The following KNTC1 variants were observed in gnomAD, a reference collection of about 807,000 sequenced individuals.
KNTC1 encodes the protein kinetochore associated 1.
In KNTC1, 253 loss-of-function variants were observed where a neutral mutation model predicts 314.4. That is an observed-to-expected ratio of 0.80 (90% confidence interval 0.73 to 0.89). The LOEUF is 0.89. Ranked by LOEUF, KNTC1 falls within the 40% of genes least tolerant of loss-of-function variation. The pLI, the probability that KNTC1 is intolerant of heterozygous loss-of-function variation, is 0.00. For missense variants in KNTC1, 2,475 were observed against 2,572.9 expected (o/e 0.96, Z 0.82); for synonymous variants, 901 against 901.4 (o/e 1.00, Z 0.01).
At position 122,622,563 on chromosome 12, in the gene KNTC1, C is replaced by T; in HGVS notation, c.6471C>T (p.Thr2157=). The change falls in exon 62 of 64, where the codon ACC becomes ACT. Residue 2157 remains threonine (T), a synonymous_variant. Transcript: ENST00000333479. ...FQMLKMHAMN[T]NNITELVNYL... is the part of the protein sequence containing the mutation. Reference sequence around the variant, plus strand: ...TGTTGAAGATGCATGCGATGAATACCAACAATATCACTGAGCTAGTGAACT... The same window carrying T: ...TGTTGAAGATGCATGCGATGAATACTAACAATATCACTGAGCTAGTGAACT... 1.3e-6 allele frequency: 2 copies of T among 1,565,970 alleles called. No individual in the cohort carries two copies. The highest frequency in any genetic ancestry group is 2.3e-5 in the East Asian group (1 of 42,976).
At position 122,570,977 on chromosome 12, in the gene KNTC1, C is replaced by T. The variant is rs1190859871; in HGVS notation, c.1917+45C>T. 1.9e-6 allele frequency: 3 copies of T among 1,596,180 alleles called. No individual in the cohort carries two copies. The African/African-American group carries it at 4.0e-5, about 21-fold the overall frequency. On this transcript the variant is annotated intron_variant, in intron 23 of 63. Coordinates refer to ENST00000333479, the MANE Select transcript of KNTC1 (RefSeq NM_014708.6). ...CAGTAAAAAGACATTTTGCACACTCCCAACAGCATAAAACATTGTTTTGAA... is the reference window on the plus strand; with the variant it reads ...CAGTAAAAAGACATTTTGCACACTCTCAACAGCATAAAACATTGTTTTGAA...
chr12:122,624,355 A>G (rs1377051364), intron 62 of KNTC1, among the ~76,000 whole-genome samples: 2 of 151,834 alleles, frequency 1.3e-5, no homozygotes, highest in Non-Finnish European at 2.9e-5. Context: ...TGCTGCCCCA[A>G]CCTCCTGGGT....
At chr12:122,610,779 T>C in intron 52 of KNTC1, 43 bp from the exon 53 acceptor site, 2 of 1,236,204 alleles carry the variant, frequency 1.6e-6, no homozygotes, top group East Asian at 4.6e-5. Flanking sequence ...TGGTAATCCA[T>C]CACTAAATTA....
At chr12:122,563,614 A>G (rs993140415) in intron 20 of KNTC1, 4 of 434,292 alleles carry the variant, frequency 9.2e-6, no homozygotes, top group Non-Finnish European at 1.4e-5. Flanking sequence ...GAATTTTTTC[A>G]CTGCGCCACC....
chr12:122,529,411 A>G (rs1961118950), intron 1 of KNTC1, among the ~76,000 whole-genome samples: 1 of 152,174 alleles, frequency 6.6e-6, no homozygotes, highest in South Asian at 2.1e-4. Context: ...TCCAGGTAAT[A>G]TGGTTTATGT....
chr12:122,568,778 G>T (rs1964501508), intron 21 of KNTC1, among the ~76,000 whole-genome samples: 1 of 152,184 alleles, frequency 6.6e-6, no homozygotes, highest in Admixed American at 6.5e-5. Flanking sequence ...GGAGGTTGCA[G>T]TGAGCCGAGA....
At chr12:122,622,393 T>C in intron 61 of KNTC1, 69 bp from the exon 62 acceptor site, 1 of 1,316,274 alleles carries the variant, frequency 7.6e-7, no homozygotes, top group Non-Finnish European at 1.1e-6. Context: ...ATACCTGTCA[T>C]TCTATAGATT....
At chr12:122,556,153 A>G (rs1023796628) in intron 16 of KNTC1, among the ~76,000 whole-genome samples, 2 of 151,836 alleles carry the variant, frequency 1.3e-5, no homozygotes, top group Non-Finnish European at 2.9e-5. Flanking sequence ...AGTAGCTAGG[A>G]TTACAGACGC....
In KNTC1 at chr12:122,622,480, A is replaced by C; in HGVS notation, c.6388A>C (p.Asn2130His). 6.3e-7 allele frequency: 1 copy of C among 1,580,442 alleles called. No homozygotes were observed. Among genetic ancestry groups the C allele is most frequent in the Non-Finnish European group, 8.6e-7 (1 of 1,160,396 alleles). Residue 2130 changes from asparagine (N) to histidine (H), a missense_variant, in exon 62 of 64, where the codon AAT (asparagine) becomes CAT (histidine). Coordinates refer to ENST00000333479, the MANE Select transcript of KNTC1 (RefSeq NM_014708.6). The part of the protein sequence containing the change: ...FSHQIRSLIL[N>H]NIINKKEFGI... ...TCTATAGATTAGAAGTCTGATTTTG[A>C]ATAATATCATCAATAAGAAGGAGTT...
intron 63 of KNTC1, among the ~76,000 whole-genome samples, chr12:122,625,846 G>A (rs77842044): frequency 0.076 from 11,497 of 152,046 alleles, 566 homozygotes; most frequent in Middle Eastern, 0.13. Flanking sequence ...TTTTCAGATC[G>A]GAATATTTTG....
At chr12:122,624,509 C>A in intron 62 of KNTC1, 89 bp from the exon 63 acceptor site, 1 of 807,520 alleles carries the variant, frequency 1.2e-6, no homozygotes, top group Non-Finnish European at 2.0e-6. Flanking sequence ...CCCAAGCCAT[C>A]TGTACATCTT....
chr12:122,620,584 A>G lies in KNTC1; in HGVS notation c.6255A>G (p.Ser2085=). The change falls in exon 60 of 64, where the codon TCA becomes TCG. Residue 2085 remains serine, a synonymous_variant. Transcript: ENST00000333479. ...CTTGTCTGATGCTCATGCCCCACTC[A>G]GAGAAAAGACACCAGCAAATTAAGG... ...ALACLMLMPH[S]EKRHQQIKNF... is the part of the protein sequence containing the mutation. 1.2e-6 allele frequency: 2 copies of G among 1,613,658 alleles called. No homozygotes were observed. The highest frequency in any genetic ancestry group is 1.3e-5 in the African/African-American group (1 of 75,050).
intron 5 of KNTC1, among the ~76,000 whole-genome samples, chr12:122,541,334 T>TTCCTTCCTTCCTTCCTTC (rs1565934838): frequency 3.4e-5 from 5 of 147,516 alleles, no homozygotes; most frequent in African/African-American, 5.0e-5. Context: ...CCGTCCTTCC[T>TTCCTTCCTTCCTTCCTTC]CTGTCTCTCC....
At position 122,585,772 on chromosome 12, in the gene KNTC1, C is replaced by T; in HGVS notation, c.3671C>T (p.Ala1224Val). 1 of 1,613,198 alleles carries T rather than the reference C, an allele frequency of 6.2e-7. No homozygotes were observed. Among genetic ancestry groups the T allele is most frequent in the Non-Finnish European group, 8.5e-7 (1 of 1,179,258 alleles). ...YELISSLVPL[A>V]ESKRYPLEST... ...CTGATTTCATCTCTTGTGCCTCTAG[C>T]TGGTAAGTCTTATTTGTATCATTAT... The change falls in exon 37 of 64, where the codon GCT becomes GTT. Residue 1224 changes from alanine to valine, a missense_variant and splice_region_variant. Ala to Val is a moderately conservative substitution (Grantham distance 64). Transcript: ENST00000333479.
chr12:122,591,412 A>G lies in KNTC1; in HGVS notation c.4204A>G (p.Ser1402Gly). 1 of 1,609,144 alleles carries G rather than the reference A, an allele frequency of 6.2e-7. No homozygotes were observed. The highest frequency in any genetic ancestry group is 8.5e-7 in the Non-Finnish European group (1 of 1,176,002). ...IEMGLKFREL[S>G]TDAQWGIRLG... ...AATGGGGCTTAAGTTCCGTGAACTC[A>G]GTACTGATGCCCAGTGGGGCATTCG... Residue 1402 changes from serine to glycine, a missense_variant, in exon 42 of 64, where the codon AGT becomes GGT. Ser to Gly is a moderately conservative substitution (Grantham distance 56, BLOSUM62 0). Transcript: ENST00000333479.
intron 2 of KNTC1, among the ~76,000 whole-genome samples, chr12:122,533,052 ATAAAAATT>A (rs1961500228): frequency 6.6e-6 from 1 of 152,210 alleles, no homozygotes; most frequent in South Asian, 2.1e-4. Context: ...TCTAAAAAAA[ATAAAAATT>A]AAAATAAACT....
At chr12:122,626,073 A>G (rs1875015846) in intron 63 of KNTC1, 132 bp from the exon 64 acceptor site, 2 of 687,430 alleles carry the variant, frequency 2.9e-6, no homozygotes, top group African/African-American at 1.8e-5. Context: ...GTTTCTCTCT[A>G]ATCTAAAATG....
intron 5 of KNTC1, 26 bp downstream of exon 5, chr12:122,539,780 A>T: frequency 1.4e-6 from 2 of 1,408,838 alleles, no homozygotes; most frequent in Non-Finnish European, 9.6e-7. Context: ...TTTTTTTTTG[A>T]ATGACTTTTT....
intron 44 of KNTC1, among the ~76,000 whole-genome samples, chr12:122,601,147 A>G (rs900429700): frequency 1.1e-4 from 17 of 151,962 alleles, no homozygotes; most frequent in African/African-American, 3.6e-4. Flanking sequence ...CAGTGGCGCA[A>G]TCTCAGCTCA....
Sources: gnomAD v4.1 joint callset for allele counts (sites outside exome capture counted in the v4.1 genomes callset) on GRCh38, gnomAD v4.1.1 for gene constraint, MANE v1.5 for transcripts, NCBI Gene and HGNC (gene_info 2026-07-23, HGNC 2026-07-21) for gene names.